MAGI1: variants seen among roughly 807,000 people sequenced by gnomAD.
MAGI1 encodes the protein membrane associated guanylate kinase, WW and PDZ domain containing 1.
MAGI1 carries 58 observed loss-of-function variants against 139.9 expected under a neutral mutation model. The ratio of observed to expected loss-of-function variants is 0.41; its 90% CI spans 0.34 to 0.52. MAGI1 has a LOEUF of 0.52. Among genes scored for constraint, MAGI1 ranks in the 20% least tolerant of loss-of-function variants. The pLI is 0.12. For missense variants in MAGI1, 1,874 were observed against 1,901.6 expected (o/e 0.99, Z 0.27); for synonymous variants, 812 against 737.9 (o/e 1.10, Z -1.63).
At chr3:65,897,312 T>C (rs944499442) in intron 1 of MAGI1, among the ~76,000 whole-genome samples, 3 of 152,048 alleles carry the variant, frequency 2.0e-5, no homozygotes, top group Non-Finnish European at 2.9e-5. Flanking sequence ...GGCAGGAGGA[T>C]AGCTTAAGCC....
At chr3:65,492,436 T>C (rs1952107630) in intron 3 of MAGI1, among the ~76,000 whole-genome samples, 1 of 152,232 alleles carries the variant, frequency 6.6e-6, no homozygotes, top group African/African-American at 2.4e-5. Flanking sequence ...CAAATATTTG[T>C]TCAGAGGGAA....
chr3:65,996,842 G>A (rs1181826340), intron 1 of MAGI1, among the ~76,000 whole-genome samples: 3 of 152,156 alleles, frequency 2.0e-5, no homozygotes, highest in African/African-American at 4.8e-5. Context: ...TGAAGGCCCC[G>A]GGCGGCCAAG....
intron 1 of MAGI1, among the ~76,000 whole-genome samples, chr3:65,776,332 CAA>C (rs769148137): frequency 1.4e-4 from 21 of 147,976 alleles, no homozygotes; most frequent in Non-Finnish European, 1.3e-4. Context: ...AAAGGCCACA[CAA>C]ATATTAATGT....
chr3:65,865,704 A>C (rs757042312), intron 1 of MAGI1, among the ~76,000 whole-genome samples: 21 of 152,308 alleles, frequency 1.4e-4, no homozygotes, highest in Admixed American at 2.6e-4. Context: ...GCAATGGCGC[A>C]ATCTCGGCTC....
At chr3:65,363,408 A>T in intron 21 of MAGI1, 57 bp downstream of exon 21, 3 of 1,536,316 alleles carry the variant, frequency 2.0e-6, no homozygotes, top group Non-Finnish European at 2.6e-6. Context: ...CATATATGAC[A>T]AGAATTCACT....
intron 2 of MAGI1, among the ~76,000 whole-genome samples, chr3:65,591,595 T>C (rs529466666): frequency 4.6e-5 from 7 of 152,284 alleles, no homozygotes; most frequent in Admixed American, 1.3e-4. Context: ...ACTGCCTGGA[T>C]CAAGACTCTG....
At chr3:65,514,239 T>C (rs909405078) in intron 2 of MAGI1, among the ~76,000 whole-genome samples, 7 of 149,248 alleles carry the variant, frequency 4.7e-5, no homozygotes, top group Admixed American at 6.7e-5. Context: ...ATTCAGGACA[T>C]AGGCATGGGC....
Position 65,545,704 on chromosome 3 carries a change from C to T in MAGI1, c.431-52073G>A, listed in dbSNP as rs574988876. Reference sequence around the variant, plus strand: ...CATGAAGACTTCTCGAGAGGCCTCCCTCATGAGCAATCTCTACAGGCAGGA... The same window carrying T: ...CATGAAGACTTCTCGAGAGGCCTCCTTCATGAGCAATCTCTACAGGCAGGA... On this transcript the variant is annotated intron_variant, in intron 2 of 22. Transcript: ENST00000402939. 6.7e-4 allele frequency among the ~76,000 whole-genome samples: 102 copies of T among 152,120 alleles called. 1 individual carries two copies. Among genetic ancestry groups the T allele is most frequent in the African/African-American group, 2.5e-3 (102 of 41,484 alleles).
At chr3:65,389,264 T>C (rs1943703144) in intron 14 of MAGI1, among the ~76,000 whole-genome samples, 2 of 152,134 alleles carry the variant, frequency 1.3e-5, no homozygotes. Context: ...CACATTTGAT[T>C]AAGTCAAATT....
At chr3:65,801,787 C>G (rs559761356) in intron 1 of MAGI1, among the ~76,000 whole-genome samples, 1 of 152,222 alleles carries the variant, frequency 6.6e-6, no homozygotes, top group South Asian at 2.1e-4. Flanking sequence ...ATAAGATTTT[C>G]TACTTTATTA....
At chr3:65,890,833 T>C (rs533801634) in intron 1 of MAGI1, among the ~76,000 whole-genome samples, 52 of 152,272 alleles carry the variant, frequency 3.4e-4, no homozygotes, top group African/African-American at 1.3e-3. Context: ...ATTGTACTTG[T>C]CAATAGACAG....
At position 65,514,993 on chromosome 3, in the gene MAGI1, G is replaced by A. The variant is rs1576133434; in HGVS notation, c.431-21362C>T. ...ACTATGCAGCCATAAAAAATGATGA[G>A]TTCGTGTCCTTTATAGGGACATGGA... On this transcript the variant is annotated intron_variant, in intron 2 of 22. Transcript: ENST00000402939. 2.0e-5 allele frequency among the ~76,000 whole-genome samples: 3 copies of A among 149,330 alleles called. No homozygotes were observed. The East Asian group carries it at 6.0e-4, about 30-fold the overall frequency.
intron 2 of MAGI1, among the ~76,000 whole-genome samples, chr3:65,618,044 G>A (rs747459077): frequency 1.3e-5 from 2 of 152,190 alleles, no homozygotes; most frequent in South Asian, 2.1e-4. Flanking sequence ...CAGAAGCAAC[G>A]GAGGACTTCG....
At position 65,445,517 on chromosome 3, in the gene MAGI1, GTA is replaced by G. The variant is rs540549461; in HGVS notation, c.1078+2503_1078+2504del. Among the ~76,000 whole-genome samples, 61 of 152,310 alleles carry G rather than the reference GTA, an allele frequency of 4.0e-4. No homozygotes were observed. The South Asian group carries it at 7.3e-3, about 18-fold the overall frequency. ...AAGTTCTTTTCAAAGAGATTTCTCT[GTA>G]TATAGATTGAAAATCATGTTCAAAA... On this transcript the variant is annotated intron_variant, in intron 7 of 22. Transcript: ENST00000402939.
chr3:65,450,074 T>C (rs528779996), intron 6 of MAGI1, among the ~76,000 whole-genome samples: 1 of 152,324 alleles, frequency 6.6e-6, no homozygotes, highest in Admixed American at 6.5e-5. Context: ...TGTAAGCGTA[T>C]TCTAAGAGAG....
rs2059282975 is a variant in MAGI1, at chr3:65,853,703, C to A, written c.313+184293G>T. Among the ~76,000 whole-genome samples, 3 of 152,148 alleles carry A rather than the reference C, an allele frequency of 2.0e-5. No homozygotes were observed. The South Asian group carries it at 6.2e-4, about 31-fold the overall frequency. ...AAAAGCAGTCTCTATCCTCACAAGA[C>A]CATATTTTATTAAATGATTTCAAAA... On this transcript the variant is annotated intron_variant, in intron 1 of 22. Coordinates refer to ENST00000402939, the MANE Select transcript of MAGI1 (RefSeq NM_001033057.2).
intron 1 of MAGI1, among the ~76,000 whole-genome samples, chr3:65,850,333 T>C (rs1014792911): frequency 1.3e-5 from 2 of 152,136 alleles, no homozygotes; most frequent in African/African-American, 2.4e-5. Flanking sequence ...CTGGAAACCA[T>C]ATGCAAACTT....
chr3:65,694,406 T>C (rs1025112605), intron 1 of MAGI1, among the ~76,000 whole-genome samples: 1 of 151,972 alleles, frequency 6.6e-6, no homozygotes, highest in Non-Finnish European at 1.5e-5. Context: ...GTATACATAA[T>C]GTGCTTTGGA....
intron 1 of MAGI1, among the ~76,000 whole-genome samples, chr3:65,965,484 G>T (rs1211183532): frequency 6.6e-6 from 1 of 152,116 alleles, no homozygotes; most frequent in African/African-American, 2.4e-5. Context: ...TCTCAATTAG[G>T]AAGGAAAATT....
Sources: gnomAD v4.1 joint callset for allele counts (sites outside exome capture counted in the v4.1 genomes callset) on GRCh38, gnomAD v4.1.1 for gene constraint, MANE v1.5 for transcripts, NCBI Gene and HGNC (gene_info 2026-07-23, HGNC 2026-07-21) for gene names.